Variants in NTM observed in about 807,000 individuals in gnomAD.
The protein encoded by NTM is neurotrimin.
NTM carries 13 observed loss-of-function variants against 42.1 expected under a neutral mutation model. That is an observed-to-expected ratio of 0.31 (90% CI 0.20 to 0.49). The LOEUF is 0.49. NTM is among the 20% of genes least tolerant of loss of function. The probability of loss-of-function intolerance (pLI) is 0.99; values close to 1 mark genes in which losing one functional copy is unlikely to be tolerated. For missense variants in NTM, 373 were observed against 452.8 expected (o/e 0.82, Z 1.60); for synonymous variants, 187 against 179.2 (o/e 1.04, Z -0.35).
intron 4 of NTM, among the ~76,000 whole-genome samples, chr11:132,303,450 A>G (rs2094941270): frequency 1.3e-5 from 2 of 152,190 alleles, no homozygotes; most frequent in Admixed American, 6.5e-5. Flanking sequence ...TTCTCTGTGC[A>G]TGTCTGCCCG....
chr11:132,325,937 T>C (rs1282226697), intron 7 of NTM, among the ~76,000 whole-genome samples: 1 of 151,104 alleles, frequency 6.6e-6, no homozygotes, highest in Non-Finnish European at 1.5e-5. Flanking sequence ...AAACACCGCG[T>C]GTTCTCACTC....
chr11:131,620,455 A>G (rs1372308823), intron 1 of NTM, among the ~76,000 whole-genome samples: 1 of 152,136 alleles, frequency 6.6e-6, no homozygotes, highest in Admixed American at 6.5e-5. Flanking sequence ...CATGTAGAAA[A>G]CAATTCAAAT....
At chr11:132,275,726 G>GTATATATATATATGTA (rs1438604193) in intron 4 of NTM, among the ~76,000 whole-genome samples, 1,423 of 79,940 alleles carry the variant, frequency 0.018, 32 homozygotes, top group African/African-American at 0.07. Flanking sequence ...ATATATATAC[G>GTATATATATATATGTA]TATATATACG....
chr11:131,709,578 A>C (rs955171791), intron 1 of NTM, among the ~76,000 whole-genome samples: 1 of 152,218 alleles, frequency 6.6e-6, no homozygotes, highest in African/African-American at 2.4e-5. Flanking sequence ...GAGTTGGATA[A>C]CAGAGATGAG....
intron 4 of NTM, among the ~76,000 whole-genome samples, chr11:132,250,183 T>C (rs2139365261): frequency 6.6e-6 from 1 of 152,366 alleles, no homozygotes; most frequent in South Asian, 2.1e-4. Flanking sequence ...TCTTTCAGTT[T>C]CCTAAGGAAC....
chr11:131,479,176 G>C (rs546175828), intron 1 of NTM, among the ~76,000 whole-genome samples: 13 of 152,308 alleles, frequency 8.5e-5, no homozygotes, highest in Non-Finnish European at 1.9e-4. Flanking sequence ...ATAAATTAGA[G>C]ACATTCTCTC....
At chr11:131,845,548 T>G (rs1351935549) in intron 1 of NTM, among the ~76,000 whole-genome samples, 1 of 151,734 alleles carries the variant, frequency 6.6e-6, no homozygotes, top group Non-Finnish European at 1.5e-5. Context: ...GGGGGAACAA[T>G]ATGCATAAGC....
At chr11:131,499,545 G>A (rs2046467411) in intron 1 of NTM, among the ~76,000 whole-genome samples, 1 of 152,168 alleles carries the variant, frequency 6.6e-6, no homozygotes. Flanking sequence ...GAAGGTGCTT[G>A]TAAAAACACA....
At chr11:131,885,145 C>T (rs1436262644) in intron 1 of NTM, among the ~76,000 whole-genome samples, 1 of 152,210 alleles carries the variant, frequency 6.6e-6, no homozygotes, top group African/African-American at 2.4e-5. Context: ...GAAGACTGGA[C>T]ACCACACCTC....
chr11:131,611,428 A>G (rs1420212687), intron 1 of NTM, among the ~76,000 whole-genome samples: 1 of 152,198 alleles, frequency 6.6e-6, no homozygotes, highest in Non-Finnish European at 1.5e-5. Context: ...CTGCATATGA[A>G]CATGAATGTG....
At chr11:131,978,024 T>C (rs1225714300) in intron 2 of NTM, among the ~76,000 whole-genome samples, 1 of 152,218 alleles carries the variant, frequency 6.6e-6, no homozygotes, top group Non-Finnish European at 1.5e-5. Flanking sequence ...GCAAAAATTC[T>C]TCATGGTCAG....
chr11:131,795,574 G>A, intron 1 of NTM: 2 of 985,430 alleles, frequency 2.0e-6, no homozygotes. Flanking sequence ...TGCATAACGG[G>A]AGTCCCCGCG....
intron 1 of NTM, among the ~76,000 whole-genome samples, chr11:131,548,015 A>T (rs750972863): frequency 1.3e-3 from 195 of 152,308 alleles, no homozygotes; most frequent in Non-Finnish European, 2.5e-3. Flanking sequence ...GAGGAGCTCA[A>T]ACTCATCATC....
chr11:132,034,265 T>C (rs1247619949), intron 2 of NTM, among the ~76,000 whole-genome samples: 5 of 152,186 alleles, frequency 3.3e-5, no homozygotes, highest in African/African-American at 1.2e-4. Context: ...TGGATAAATG[T>C]AGACTATCTG....
intron 1 of NTM, among the ~76,000 whole-genome samples, chr11:131,523,762 G>GCA (rs1254244062): frequency 8.5e-6 from 1 of 117,990 alleles, no homozygotes. Flanking sequence ...TAGCCTGGCT[G>GCA]ACAGAGCGAG....
intron 1 of NTM, among the ~76,000 whole-genome samples, chr11:131,720,836 T>C (rs1216821327): frequency 6.6e-6 from 1 of 152,154 alleles, no homozygotes; most frequent in Admixed American, 6.5e-5. Flanking sequence ...TCTCTCTGCC[T>C]CAAGTGTTTC....
chr11:132,322,344 C>G (rs1226177541), intron 7 of NTM, among the ~76,000 whole-genome samples: 2 of 149,972 alleles, frequency 1.3e-5, no homozygotes, highest in Non-Finnish European at 3.0e-5. Flanking sequence ...ATCTACCAAG[C>G]AAATGGAAAA....
At chr11:131,554,558 A>AAG (rs1244880634) in intron 1 of NTM, among the ~76,000 whole-genome samples, 2 of 151,948 alleles carry the variant, frequency 1.3e-5, no homozygotes, top group African/African-American at 2.4e-5. Flanking sequence ...AAAAAAAAAA[A>AAG]AACTCATGGG....
intron 1 of NTM, among the ~76,000 whole-genome samples, chr11:131,428,832 C>T (rs1948403303): frequency 1.6e-5 from 2 of 128,670 alleles, no homozygotes; most frequent in South Asian, 2.5e-4. Context: ...GTCAGAAGTT[C>T]AAGACCAGCA....
Sources: gnomAD v4.1 joint callset for allele counts (sites outside exome capture counted in the v4.1 genomes callset) on GRCh38, gnomAD v4.1.1 for gene constraint, MANE v1.5 for transcripts, NCBI Gene and HGNC (gene_info 2026-07-23, HGNC 2026-07-21) for gene names.